Variants in RGS22 observed in about 807,000 individuals in gnomAD.
RGS22 encodes regulator of G protein signaling 22.
A neutral mutation model predicts 172.9 loss-of-function variants in RGS22; 148 were observed. That is an observed-to-expected ratio of 0.86 (90% confidence interval 0.75 to 0.98). The LOEUF (loss-of-function observed/expected upper bound fraction) is 0.98. Among genes scored for constraint, RGS22 ranks in the 50% least tolerant of loss-of-function variants. RGS22 has a pLI of 0.00. For missense variants in RGS22, 1,347 were observed against 1,440.8 expected (o/e 0.93, Z 1.05); for synonymous variants, 458 against 480.2 (o/e 0.95, Z 0.60).
chr8:100,063,533 C>T lies in RGS22; in HGVS notation c.1235G>A (p.Arg412Lys). 1 of 1,614,058 alleles carries T rather than the reference C, an allele frequency of 6.2e-7. No individual in the cohort carries two copies. The highest frequency in any genetic ancestry group is 8.5e-7 in the Non-Finnish European group (1 of 1,179,986). Residue 412 changes from arginine to lysine, a missense_variant, in exon 8 of 28, where the codon AGA becomes AAA. Coordinates refer to ENST00000360863, the MANE Select transcript of RGS22 (RefSeq NM_015668.5). ...TTTCTTAAATCTTTCAAACTCCTTT[C>T]TATTGCCAATGTCATAAGTCCTATG... is the stretch of plus-strand genomic sequence containing the variant. The part of the protein sequence containing the change: ...ISHRTYDIGN[R>K]KEFERFKKFI...
intron 21 of RGS22, 74 bp from the exon 22 acceptor site, chr8:99,982,190 G>T: frequency 8.7e-7 from 1 of 1,154,406 alleles, no homozygotes; most frequent in Non-Finnish European, 1.2e-6. Context: ...GTATCAATAT[G>T]TGTTTCAATT....
intron 11 of RGS22, among the ~76,000 whole-genome samples, chr8:100,046,840 GC>G (rs1007096227): frequency 5.7e-4 from 87 of 151,450 alleles, no homozygotes; most frequent in Admixed American, 4.5e-3. Context: ...TTTTTAGATG[GC>G]GCCTCACTCT....
Position 100,072,126 on chromosome 8 carries a change from A to G in RGS22, c.425+19T>C, listed in dbSNP as rs990912776. 38 of 1,442,286 alleles carry G rather than the reference A, an allele frequency of 2.6e-5. No homozygotes were observed. Among genetic ancestry groups the G allele is most frequent in the Non-Finnish European group, 3.5e-5 (37 of 1,043,060 alleles). The allele number at this position is 1,442,286 out of a possible 1,614,324, so 89.3% of individuals were successfully genotyped here. A position where few individuals can be genotyped will look rare whatever the true frequency, so the allele number is the denominator to read the frequency against. On this transcript the variant is annotated intron_variant, in intron 5 of 27. Transcript: ENST00000360863. ...TATATATGTATTTAAAAATACATATATTGATGGGACTATAGTACCTGTATT... is the reference window on the plus strand; with the variant it reads ...TATATATGTATTTAAAAATACATATGTTGATGGGACTATAGTACCTGTATT...
intron 24 of RGS22, among the ~76,000 whole-genome samples, chr8:99,964,098 G>A (rs1485756080): frequency 6.6e-6 from 1 of 151,726 alleles, no homozygotes; most frequent in Non-Finnish European, 1.5e-5. Flanking sequence ...TAACCGATAA[G>A]GTAAGAGGCT....
intron 23 of RGS22, among the ~76,000 whole-genome samples, chr8:99,967,373 C>A (rs550157945): frequency 1.3e-5 from 2 of 151,574 alleles, no homozygotes; most frequent in Non-Finnish European, 2.9e-5. Flanking sequence ...GGAACCCCAG[C>A]GAGACAGAAC....
rs1820836566 is a variant in RGS22, at chr8:100,047,414, A to G, written c.1823+49T>C. On this transcript the variant is annotated intron_variant, in intron 11 of 27. Coordinates refer to ENST00000360863, the MANE Select transcript of RGS22 (RefSeq NM_015668.5). ...CTGTTTAGTTTTTAAATTCTCTAAAACGCTTAGTATTGCAGAAAAGCACTT... is the reference window on the plus strand; with the variant it reads ...CTGTTTAGTTTTTAAATTCTCTAAAGCGCTTAGTATTGCAGAAAAGCACTT... 5 of 1,498,872 alleles carry G rather than the reference A, an allele frequency of 3.3e-6. No homozygotes were observed. The Admixed American group carries it at 9.4e-5, about 28-fold the overall frequency. The allele number at this position is 1,498,872 out of a possible 1,614,324, so 92.8% of individuals were successfully genotyped here.
intron 20 of RGS22, among the ~76,000 whole-genome samples, chr8:99,990,320 G>T (rs1055366579): frequency 1.3e-5 from 2 of 152,084 alleles, no homozygotes; most frequent in Non-Finnish European, 2.9e-5. Flanking sequence ...TCCAAGGGCC[G>T]ATGGGAAGCC....
At chr8:100,002,537 T>C (rs1435156767) in intron 17 of RGS22, among the ~76,000 whole-genome samples, 173 bp from the exon 18 acceptor site, 2 of 152,144 alleles carry the variant, frequency 1.3e-5, no homozygotes, top group Non-Finnish European at 2.9e-5. Flanking sequence ...CTAGGCTAGT[T>C]CACTTGACTC....
chr8:100,075,046 A>G (rs1811250637), intron 4 of RGS22, among the ~76,000 whole-genome samples: 1 of 152,162 alleles, frequency 6.6e-6, no homozygotes, highest in Non-Finnish European at 1.5e-5. Flanking sequence ...CTGGGATTAC[A>G]GGTGTGAGCC....
At chr8:100,081,466 C>T (rs1811754937) in intron 3 of RGS22, among the ~76,000 whole-genome samples, 2 of 151,180 alleles carry the variant, frequency 1.3e-5, no homozygotes, top group South Asian at 4.2e-4. Flanking sequence ...ATGGATGATA[C>T]GGTTCAAGAT....
chr8:100,045,694 T>C (rs1372424160), intron 11 of RGS22, among the ~76,000 whole-genome samples: 2 of 151,144 alleles, frequency 1.3e-5, no homozygotes, highest in Non-Finnish European at 3.0e-5. Context: ...TCAAAAATTC[T>C]TTTAGGAATT....
intron 20 of RGS22, among the ~76,000 whole-genome samples, chr8:99,988,451 G>T (rs1346532605): frequency 6.6e-6 from 1 of 151,858 alleles, no homozygotes; most frequent in Non-Finnish European, 1.5e-5. Context: ...ATAAGAAATC[G>T]ATTTTATTGA....
intron 14 of RGS22, among the ~76,000 whole-genome samples, chr8:100,033,662 C>CA (rs562880509): frequency 6.6e-4 from 99 of 151,068 alleles, no homozygotes; most frequent in African/African-American, 2.2e-3. Flanking sequence ...GGAATCCTCC[C>CA]AAAAAAAGAA....
chr8:99,984,390 AT>A (rs1812852270), intron 21 of RGS22, among the ~76,000 whole-genome samples: 1 of 152,202 alleles, frequency 6.6e-6, no homozygotes, highest in African/African-American at 2.4e-5. Context: ...GAAGTATACA[AT>A]TATAATTTTG....
Position 100,063,334 on chromosome 8 carries a change from G to T in RGS22, c.1352+82C>A, listed in dbSNP as rs868704624. ...TTACATTTTTTAAAATTTACTTTGG[G>T]CTTTCTCCCTGTGCTAAATAACCCA... On this transcript the variant is annotated intron_variant, in intron 8 of 27. Coordinates refer to ENST00000360863, the MANE Select transcript of RGS22 (RefSeq NM_015668.5). 1.0e-5 allele frequency: 10 copies of T among 965,022 alleles called. 1 individual carries two copies. In the South Asian group the frequency reaches 1.7e-4, roughly 17 times the overall value. 59.8% of individuals were successfully genotyped at this position (965,022 alleles called of 1,614,324 possible). A position where few individuals can be genotyped will look rare whatever the true frequency, so the allele number is the denominator to read the frequency against.
chr8:100,040,242 G>A (rs1286909156), intron 12 of RGS22, among the ~76,000 whole-genome samples, 155 bp from the exon 13 acceptor site: 1 of 152,138 alleles, frequency 6.6e-6, no homozygotes, highest in African/African-American at 2.4e-5. Flanking sequence ...CAGTATGTTT[G>A]CATTTGAGAG....
chr8:100,007,849 CAA>C (rs59284752), intron 15 of RGS22, among the ~76,000 whole-genome samples: 1 of 139,756 alleles, frequency 7.2e-6, no homozygotes, highest in Non-Finnish European at 1.6e-5. Context: ...GACTCTGACT[CAA>C]AAAAAAAAAA....
intron 20 of RGS22, among the ~76,000 whole-genome samples, chr8:99,992,688 A>G (rs1813892763): frequency 6.6e-6 from 1 of 152,044 alleles, no homozygotes; most frequent in African/African-American, 2.4e-5. Flanking sequence ...ACACCCCGCT[A>G]TGAATATTAG....
intron 14 of RGS22, among the ~76,000 whole-genome samples, chr8:100,012,192 A>C (rs1207715555): frequency 6.6e-6 from 1 of 152,130 alleles, no homozygotes; most frequent in Non-Finnish European, 1.5e-5. Flanking sequence ...GGTCCATGAC[A>C]CGCAGGAAAG....
Sources: allele counts gnomAD v4.1 joint callset (sites outside exome capture counted in the v4.1 genomes callset), GRCh38; gene constraint gnomAD v4.1.1; transcripts MANE v1.5; gene names NCBI Gene and HGNC (gene_info 2026-07-23, HGNC 2026-07-21).